The following DLC1 variants were observed in gnomAD, a reference collection of about 807,000 sequenced individuals.
DLC1 encodes the protein rho GTPase-activating protein 7.
Under a neutral mutation model 140.3 loss-of-function variants are expected in DLC1, and 54 were observed. The observed-to-expected ratio is 0.38, with a 90% CI of 0.31 to 0.48. DLC1 has a LOEUF of 0.48. DLC1 is among the 20% of genes least tolerant of loss of function. DLC1 has a pLI of 0.96. For synonymous variants in DLC1, 986 were observed against 728.1 expected, an observed-to-expected ratio of 1.35 and a Z score of -5.70; for missense variants, 2,536 against 1,907.0, an observed-to-expected ratio of 1.33 and a Z score of -6.14.
chr8:13,522,352 C>T (rs1802790499), intron 1 of DLC1, among the ~76,000 whole-genome samples: 2 of 151,828 alleles, frequency 1.3e-5, no homozygotes, highest in African/African-American at 2.4e-5. Flanking sequence ...AGTCTGGGAG[C>T]GGTGGTTCAG....
chr8:13,542,503 G>A lies in DLC1; in HGVS notation c.-125-42307C>T, dbSNP rs553588509. Among the ~76,000 whole-genome samples the A allele has an allele frequency of 2.6e-5, 4 of 151,924 alleles. No individual in the cohort carries two copies. The South Asian group carries it at 6.2e-4, about 24-fold the overall frequency. On this transcript the variant is annotated intron_variant, in intron 1 of 1. Coordinates refer to the DLC1 transcript ENST00000631382. Reference sequence around the variant, plus strand: ...CCAAAAATTGTTTTGGCTAATCTAGGTCCTTTGAATTTCCATATAAATTTC... The same window carrying A: ...CCAAAAATTGTTTTGGCTAATCTAGATCCTTTGAATTTCCATATAAATTTC...
intron 5 of DLC1, among the ~76,000 whole-genome samples, chr8:13,122,026 T>C (rs1429453753): frequency 2.6e-5 from 4 of 152,192 alleles, no homozygotes; most frequent in Admixed American, 2.0e-4. Flanking sequence ...CTGGACTTTT[T>C]CACCCTTGGA....
intron 5 of DLC1, among the ~76,000 whole-genome samples, chr8:13,224,590 C>G (rs923030829): frequency 2.6e-5 from 4 of 152,094 alleles, no homozygotes; most frequent in African/African-American, 7.2e-5. Context: ...AAGGGGTGGT[C>G]AAAGGTTAAA....
At chr8:13,151,343 C>G (rs1158320809) in intron 5 of DLC1, among the ~76,000 whole-genome samples, 1 of 152,050 alleles carries the variant, frequency 6.6e-6, no homozygotes, top group Non-Finnish European at 1.5e-5. Context: ...AACTATTAGT[C>G]CCCACAACAA....
intron 2 of DLC1, among the ~76,000 whole-genome samples, chr8:13,454,308 A>G (rs1209986174): frequency 6.6e-6 from 1 of 152,002 alleles, no homozygotes; most frequent in Non-Finnish European, 1.5e-5. Flanking sequence ...AAAAAAATTG[A>G]TTTTCTTGGT....
At chr8:13,299,025 A>T (rs1028022333) in intron 5 of DLC1, among the ~76,000 whole-genome samples, 1 of 152,208 alleles carries the variant, frequency 6.6e-6, no homozygotes, top group African/African-American at 2.4e-5. Context: ...AAATATTCTC[A>T]AAGTGATATT....
At chr8:13,517,576 T>C (rs1377695706), upstream of DLC1, among the ~76,000 whole-genome samples, 1 of 152,214 alleles carries the variant, frequency 6.6e-6, no homozygotes, top group East Asian at 1.9e-4. Context: ...AGATAAATAG[T>C]GAGAAAACTT....
chr8:13,296,429 C>A (rs13279835), intron 5 of DLC1, among the ~76,000 whole-genome samples: 1 of 152,060 alleles, frequency 6.6e-6, no homozygotes, highest in South Asian at 2.1e-4. Context: ...TCTTATTGGC[C>A]CATACTGGCA....
chr8:13,604,589 G>C (rs1018977001), exon 1 of DLC1: 1 of 152,146 alleles, frequency 6.6e-6, no homozygotes, highest in Non-Finnish European at 1.5e-5. Context: ...TGAACTCACT[G>C]CCAATGTGTT....
intron 2 of DLC1, among the ~76,000 whole-genome samples, chr8:13,456,154 C>T (rs1799379591): frequency 6.6e-6 from 1 of 152,190 alleles, no homozygotes; most frequent in African/African-American, 2.4e-5. Flanking sequence ...CTCTGGGGTC[C>T]ATGGATCCCT....
At chr8:13,601,617 G>C (rs1563468721) in intron 1 of DLC1, among the ~76,000 whole-genome samples, 1 of 149,892 alleles carries the variant, frequency 6.7e-6, no homozygotes, top group African/African-American at 2.5e-5. Context: ...ACTTGTCAAA[G>C]AGTCCAGTAA....
intron 5 of DLC1, among the ~76,000 whole-genome samples, chr8:13,252,056 G>T (rs959203176): frequency 2.0e-5 from 3 of 152,140 alleles, no homozygotes; most frequent in Non-Finnish European, 4.4e-5. Flanking sequence ...TGGAGCAAGT[G>T]ACCTTTAAGA....
At chr8:13,425,976 C>G (rs530173480) in intron 2 of DLC1, among the ~76,000 whole-genome samples, 96 of 152,132 alleles carry the variant, frequency 6.3e-4, no homozygotes, top group Non-Finnish European at 1.3e-3. Flanking sequence ...CCACATCTGG[C>G]TAGTCTTTTT....
intron 4 of DLC1, among the ~76,000 whole-genome samples, chr8:13,383,112 C>T (rs1349830020): frequency 2.6e-5 from 4 of 152,126 alleles, no homozygotes; most frequent in Admixed American, 1.3e-4. Flanking sequence ...CTTGCAAACA[C>T]GGGGCATTTC....
intron 5 of DLC1, among the ~76,000 whole-genome samples, chr8:13,273,405 T>C (rs1831027083): frequency 2.0e-5 from 3 of 152,072 alleles, no homozygotes; most frequent in Admixed American, 2.0e-4. Flanking sequence ...TTGGGAATAA[T>C]GGTTGTAGAA....
intron 1 of DLC1, among the ~76,000 whole-genome samples, chr8:13,597,493 C>T (rs1805723937): frequency 6.6e-6 from 1 of 152,018 alleles, no homozygotes; most frequent in Admixed American, 6.6e-5. Flanking sequence ...TGTTTGTCAG[C>T]ATAATAGTAA....
rs892998947 is a variant in DLC1 at position 13,141,372 on chromosome 8, G to A, written c.1349-25715C>T. 2.7e-5 allele frequency among the ~76,000 whole-genome samples: 4 copies of A among 150,334 alleles called. No homozygotes were observed. In the East Asian group the frequency reaches 5.9e-4, roughly 22 times the overall value. ...TACATTTTCTGTAAGTGCAATATAT[G>A]TATGTGTGCAGATATATATCCATTA... On this transcript the variant is annotated intron_variant, in intron 5 of 17. Coordinates refer to ENST00000276297, the MANE Select transcript of DLC1 (RefSeq NM_182643.3).
chr8:13,146,001 G>A (rs1278538298), intron 5 of DLC1, among the ~76,000 whole-genome samples: 2 of 152,034 alleles, frequency 1.3e-5, no homozygotes, highest in African/African-American at 2.4e-5. Context: ...CTGTAGGGCC[G>A]GGCGCAGTGG....
chr8:13,566,765 T>G, intron 1 of DLC1: 1 of 552,924 alleles, frequency 1.8e-6, no homozygotes. Flanking sequence ...GCAAGCGCAG[T>G]GGGCGCTGGG....
Sources: allele counts gnomAD v4.1 joint callset (sites outside exome capture counted in the v4.1 genomes callset), GRCh38; gene constraint gnomAD v4.1.1; transcripts MANE v1.5; gene names NCBI Gene and HGNC (gene_info 2026-07-23, HGNC 2026-07-21).